Variants in TNRC6C observed in about 807,000 individuals in gnomAD.
TNRC6C encodes the protein trinucleotide repeat containing adaptor 6C.
A neutral mutation model predicts 153.7 loss-of-function variants in TNRC6C; 20 were observed. The observed-to-expected ratio is 0.13, with a 90% CI of 0.09 to 0.19. The LOEUF (loss-of-function observed/expected upper bound fraction) is 0.19. Ranked by LOEUF, TNRC6C falls within the 10% of genes least tolerant of loss-of-function variation. TNRC6C has a pLI of 1.00. For missense variants in TNRC6C, 1,987 were observed against 2,172.0 expected (o/e 0.91, Z 1.69); for synonymous variants, 811 against 841.4 (o/e 0.96, Z 0.63).
chr17:78,056,929 G>GA (rs1456922669), intron 3 of TNRC6C, among the ~76,000 whole-genome samples: 1 of 151,798 alleles, frequency 6.6e-6, no homozygotes, highest in African/African-American at 2.4e-5. Context: ...ATATAAAGAA[G>GA]AAAAATGTGC....
chr17:77,986,330 G>A (rs1054262481), intron 1 of TNRC6C, among the ~76,000 whole-genome samples: 2 of 151,144 alleles, frequency 1.3e-5, no homozygotes. Flanking sequence ...CAGGAGAATC[G>A]TTTGAACGCG....
At chr17:78,063,830 G>A (rs746242295) in intron 3 of TNRC6C, among the ~76,000 whole-genome samples, 11 of 152,228 alleles carry the variant, frequency 7.2e-5, no homozygotes, top group Non-Finnish European at 1.2e-4. Context: ...TAATATTTCA[G>A]TATATATTTG....
At chr17:78,096,514 C>G (rs183162324) in intron 16 of TNRC6C, among the ~76,000 whole-genome samples, 261 of 152,376 alleles carry the variant, frequency 1.7e-3, no homozygotes, top group Non-Finnish European at 2.8e-3. Flanking sequence ...TCCCTTGCAG[C>G]AGGGCAGCTG....
intron 10 of TNRC6C, among the ~76,000 whole-genome samples, chr17:78,081,848 G>T (rs181743043): frequency 3.9e-4 from 59 of 152,248 alleles, no homozygotes; most frequent in African/African-American, 1.3e-3. Flanking sequence ...TGTTTCTTCT[G>T]TATCTCCCTG....
upstream of TNRC6C, among the ~76,000 whole-genome samples, chr17:78,004,445 A>G (rs1020459162): frequency 7.2e-5 from 11 of 152,230 alleles, no homozygotes; most frequent in Non-Finnish European, 1.2e-4. Context: ...ACAGCCGTAA[A>G]TGTCTAACTT....
At chr17:78,043,554 A>G (rs1246598493) in intron 2 of TNRC6C, among the ~76,000 whole-genome samples, 1 of 152,196 alleles carries the variant, frequency 6.6e-6, no homozygotes, top group Non-Finnish European at 1.5e-5. Context: ...CATCTCAAGT[A>G]TTTATCCATT....
chr17:77,986,910 T>C (rs2071177546), intron 1 of TNRC6C, among the ~76,000 whole-genome samples: 1 of 152,132 alleles, frequency 6.6e-6, no homozygotes, highest in Non-Finnish European at 1.5e-5. Flanking sequence ...CAAAATAAAC[T>C]TTAAATGAAG....
chr17:78,005,028 C>T, upstream of TNRC6C: 1 of 1,204,330 alleles, frequency 8.3e-7, no homozygotes, highest in South Asian at 4.2e-5. Context: ...GAGTTTCTTT[C>T]TTTCTTTCTC....
intron 1 of TNRC6C, among the ~76,000 whole-genome samples, chr17:77,983,794 C>T (rs142487399): frequency 5.3e-5 from 8 of 152,038 alleles, no homozygotes; most frequent in African/African-American, 1.4e-4. Context: ...TATATAATTA[C>T]TGGAAGTTAA....
intron 1 of TNRC6C, among the ~76,000 whole-genome samples, chr17:77,986,765 A>G (rs1361627489): frequency 6.6e-6 from 1 of 152,192 alleles, no homozygotes; most frequent in East Asian, 1.9e-4. Context: ...TCTGTTATAC[A>G]TGAATTTGAT....
intron 11 of TNRC6C, among the ~76,000 whole-genome samples, chr17:78,084,220 G>T (rs762901338): frequency 1.1e-4 from 16 of 150,914 alleles, no homozygotes; most frequent in South Asian, 2.1e-4. Context: ...GAAGGCGGAG[G>T]TTGCAGTGAG....
chr17:78,024,706 A>C (rs1375707332), intron 1 of TNRC6C, among the ~76,000 whole-genome samples: 1 of 151,756 alleles, frequency 6.6e-6, no homozygotes, highest in East Asian at 1.9e-4. Flanking sequence ...TCGAGCTGAA[A>C]GTATAAAGTT....
At chr17:77,977,957 G>A (rs143596305) in intron 1 of TNRC6C, among the ~76,000 whole-genome samples, 1,818 of 146,548 alleles carry the variant, frequency 0.012, 26 homozygotes, top group Non-Finnish European at 0.014. Flanking sequence ...GTGCAGTGGC[G>A]CAATCTCGGC....
intron 7 of TNRC6C, among the ~76,000 whole-genome samples, chr17:78,074,728 C>T (rs919370813): frequency 6.6e-6 from 1 of 152,172 alleles, no homozygotes; most frequent in Non-Finnish European, 1.5e-5. Flanking sequence ...ATCGGGAAGG[C>T]CCCTGCAAGA....
chr17:77,968,065 G>A (rs1036464970), intron 1 of TNRC6C, among the ~76,000 whole-genome samples: 16 of 152,042 alleles, frequency 1.1e-4, no homozygotes, highest in Non-Finnish European at 1.8e-4. Flanking sequence ...ACAGAGCCTC[G>A]CTCTGTTGCC....
intron 1 of TNRC6C, among the ~76,000 whole-genome samples, chr17:77,967,416 G>T (rs1204258121): frequency 6.6e-6 from 1 of 152,094 alleles, no homozygotes; most frequent in Non-Finnish European, 1.5e-5. Context: ...GGGGAGAGAA[G>T]ATTGATAATT....
exon 20 of TNRC6C, chr17:78,105,087 T>G: frequency 2.4e-6 from 1 of 421,074 alleles, no homozygotes. Context: ...GTGCGTCTTA[T>G]GTTTGTATAG....
At chr17:78,065,983 C>G (rs2072868740) in intron 4 of TNRC6C, among the ~76,000 whole-genome samples, 1 of 152,136 alleles carries the variant, frequency 6.6e-6, no homozygotes, top group African/African-American at 2.4e-5. Flanking sequence ...GTAATCTCAG[C>G]ACTTTGGGAG....
chr17:78,063,007 A>G (rs1239399546), intron 3 of TNRC6C, among the ~76,000 whole-genome samples: 1 of 152,100 alleles, frequency 6.6e-6, no homozygotes, highest in Non-Finnish European at 1.5e-5. Context: ...GCACTTTGGG[A>G]GGCTGAAGCG....
Sources: gnomAD v4.1 joint callset for allele counts (sites outside exome capture counted in the v4.1 genomes callset) on GRCh38, gnomAD v4.1.1 for gene constraint, MANE v1.5 for transcripts, NCBI Gene and HGNC (gene_info 2026-07-23, HGNC 2026-07-21) for gene names.